Variants in CCDC85A observed in about 807,000 individuals in gnomAD.
The protein encoded by CCDC85A is coiled-coil domain containing 85A.
A neutral mutation model predicts 50.2 loss-of-function variants in CCDC85A; 38 were observed. That is an observed-to-expected ratio of 0.76 (90% CI 0.58 to 0.99). The LOEUF is 0.99. CCDC85A is among the 50% of genes least tolerant of loss of function. CCDC85A has a pLI of 0.00. For synonymous variants in CCDC85A, 366 were observed against 301.4 expected, an observed-to-expected ratio of 1.21 and a Z score of -2.22; for missense variants, 820 against 742.0, an observed-to-expected ratio of 1.11 and a Z score of -1.22.
chr2:56,282,119 A>T (rs1284284533), intron 2 of CCDC85A, among the ~76,000 whole-genome samples: 1 of 151,996 alleles, frequency 6.6e-6, no homozygotes, highest in Non-Finnish European at 1.5e-5. Context: ...TGTGAGGAAA[A>T]TTTTGAGAGT....
At chr2:56,383,509 T>G (rs1676689305) in intron 5 of CCDC85A, 1 of 805,416 alleles carries the variant, frequency 1.2e-6, no homozygotes, top group Non-Finnish European at 1.5e-6. Context: ...GATTGCACCT[T>G]TTGTCCCTCT....
intron 3 of CCDC85A, among the ~76,000 whole-genome samples, chr2:56,344,079 C>T (rs1674510481): frequency 6.6e-6 from 1 of 152,086 alleles, no homozygotes; most frequent in South Asian, 2.1e-4. Context: ...TAGTTGTCCC[C>T]CTTTTCAAGG....
Position 56,372,489 on chromosome 2 carries a change from A to G in CCDC85A, c.1452+11A>G, listed in dbSNP as rs1207186405. 3.2e-6 allele frequency: 5 copies of G among 1,581,942 alleles called. No homozygotes were observed. Among genetic ancestry groups the G allele is most frequent in the Non-Finnish European group, 4.3e-6 (5 of 1,161,634 alleles). ...CTGCCTACTCTCCCGGTGAGTGAAG[A>G]TGAGTCAGCTGGATGCATTTGCTTG... On this transcript the variant is annotated intron_variant, in intron 4 of 5. Transcript: ENST00000407595.
chr2:56,286,154 G>A (rs1339883219), intron 2 of CCDC85A, among the ~76,000 whole-genome samples: 1 of 151,740 alleles, frequency 6.6e-6, no homozygotes, highest in East Asian at 1.9e-4. Context: ...ATTTTTTTCT[G>A]TATCTTTGAT....
chr2:56,258,178 G>C (rs951801701), intron 2 of CCDC85A, among the ~76,000 whole-genome samples: 4 of 152,242 alleles, frequency 2.6e-5, no homozygotes, highest in Admixed American at 1.3e-4. Flanking sequence ...GGTAAGAGGT[G>C]GGGGAGGCCA....
chr2:56,336,269 C>G (rs1674069567), intron 2 of CCDC85A, among the ~76,000 whole-genome samples: 1 of 152,150 alleles, frequency 6.6e-6, no homozygotes, highest in South Asian at 2.1e-4. Context: ...ATTCTCCTGC[C>G]TCAGCCTCTC....
At chr2:56,378,467 T>A (rs1010182425) in intron 5 of CCDC85A, among the ~76,000 whole-genome samples, 1 of 152,186 alleles carries the variant, frequency 6.6e-6, no homozygotes, top group East Asian at 1.9e-4. Flanking sequence ...CAAATCAAAT[T>A]TGTAGGTAAA....
At chr2:56,355,307 G>A (rs1317577255) in intron 3 of CCDC85A, among the ~76,000 whole-genome samples, 2 of 152,322 alleles carry the variant, frequency 1.3e-5, no homozygotes, top group East Asian at 1.9e-4. Context: ...GGAAATGGAG[G>A]TGGGAAGGAA....
At chr2:56,303,364 C>T (rs972207128) in intron 2 of CCDC85A, among the ~76,000 whole-genome samples, 1 of 152,096 alleles carries the variant, frequency 6.6e-6, no homozygotes, top group Admixed American at 6.6e-5. Context: ...ACCCAGGGGG[C>T]ATCAGTTGTT....
chr2:56,228,240 T>A (rs930061755), intron 2 of CCDC85A, among the ~76,000 whole-genome samples: 8 of 152,120 alleles, frequency 5.3e-5, no homozygotes, highest in African/African-American at 1.9e-4. Flanking sequence ...ATTGACGAGT[T>A]GATGGGTGCA....
chr2:56,299,771 A>G (rs1479751443), intron 2 of CCDC85A, among the ~76,000 whole-genome samples: 1 of 152,160 alleles, frequency 6.6e-6, no homozygotes, highest in Non-Finnish European at 1.5e-5. Flanking sequence ...ATAAAATCCT[A>G]AAGTAATATT....
At chr2:56,383,670 C>T in intron 5 of CCDC85A, 1 of 984,940 alleles carries the variant, frequency 1.0e-6, no homozygotes, top group South Asian at 4.7e-5. Context: ...AACTGATGAC[C>T]CCACTCTGTA....
intron 2 of CCDC85A, among the ~76,000 whole-genome samples, chr2:56,237,741 ATTTT>A (rs5831405): frequency 3.3e-4 from 49 of 149,164 alleles, no homozygotes; most frequent in African/African-American, 6.6e-4. Flanking sequence ...CTAACCATTA[ATTTT>A]TTTTTTTTTT....
At chr2:56,249,606 A>G (rs1309479468) in intron 2 of CCDC85A, among the ~76,000 whole-genome samples, 1 of 152,248 alleles carries the variant, frequency 6.6e-6, no homozygotes, top group Non-Finnish European at 1.5e-5. Flanking sequence ...AGCATCTTTC[A>G]TTGACACAGA....
At chr2:56,292,778 G>A (rs921433506) in intron 2 of CCDC85A, among the ~76,000 whole-genome samples, 1 of 152,108 alleles carries the variant, frequency 6.6e-6, no homozygotes, top group African/African-American at 2.4e-5. Context: ...AAGGATTTTT[G>A]TTTCTGGCTG....
chr2:56,318,077 C>T (rs1347202680), intron 2 of CCDC85A, among the ~76,000 whole-genome samples: 7 of 152,138 alleles, frequency 4.6e-5, no homozygotes, highest in African/African-American at 1.7e-4. Context: ...ATCAATACAT[C>T]ACTTCCTACA....
rs572391087 is a variant in CCDC85A, at chr2:56,347,862, G to T, written c.1317+4907G>T. On this transcript the variant is annotated intron_variant, in intron 3 of 5. Transcript: ENST00000407595. ...TTATCCTTTTCTTGATGGTCACAAA[G>T]ATTTTTTAATCCAGACATAGTCGAT... is the stretch of plus-strand genomic sequence containing the variant. Among the ~76,000 whole-genome samples the T allele has an allele frequency of 3.3e-5, 5 of 152,268 alleles. No individual in the cohort carries two copies. In the East Asian group the frequency reaches 9.6e-4, roughly 29 times the overall value.
chr2:56,320,631 AAT>A (rs1184572657), intron 2 of CCDC85A, among the ~76,000 whole-genome samples: 4 of 152,172 alleles, frequency 2.6e-5, no homozygotes, highest in Non-Finnish European at 5.9e-5. Context: ...CAGGCTCTGA[AAT>A]TGAGGCAATA....
chr2:56,196,752 A>G (rs1387755493), intron 2 of CCDC85A, among the ~76,000 whole-genome samples: 1 of 152,332 alleles, frequency 6.6e-6, no homozygotes, highest in South Asian at 2.1e-4. Context: ...GACATAATGA[A>G]TGCAGAAGAA....
Sources: allele counts gnomAD v4.1 joint callset (sites outside exome capture counted in the v4.1 genomes callset), GRCh38; gene constraint gnomAD v4.1.1; transcripts MANE v1.5; gene names NCBI Gene and HGNC (gene_info 2026-07-23, HGNC 2026-07-21).